Variants in PCDH19 observed in about 807,000 individuals in gnomAD.
PCDH19 encodes protocadherin-19.
Under a neutral mutation model 46.2 loss-of-function variants are expected in PCDH19, and 6 were observed. The observed-to-expected ratio is 0.13, with a 90% CI of 0.07 to 0.26. The LOEUF is 0.26. Ranked by LOEUF, PCDH19 falls within the 10% of genes least tolerant of loss-of-function variation. The pLI is 1.00. For missense variants in PCDH19, 740 were observed against 972.3 expected, an observed-to-expected ratio of 0.76 and a Z score of 3.18; for synonymous variants, 481 against 415.7, an observed-to-expected ratio of 1.16 and a Z score of -1.91.
chrX:100,374,618 C>T (rs184867646), intron 3 of PCDH19, among the ~76,000 whole-genome samples: 1 of 111,942 alleles, frequency 8.9e-6, no homozygotes, highest in Non-Finnish European at 1.9e-5. Flanking sequence ...ATTATGCTTA[C>T]AAGTCTTGGA....
At chrX:100,371,877 CACACA>C (rs750578079) in intron 3 of PCDH19, among the ~76,000 whole-genome samples, 97 of 101,346 alleles carry the variant, frequency 9.6e-4, no homozygotes, top group Middle Eastern at 4.7e-3. Context: ...CACACACACA[CACACA>C]CCCACACAAA....
intron 5 of PCDH19, among the ~76,000 whole-genome samples, chrX:100,316,633 G>A (rs1329045316): frequency 8.9e-6 from 1 of 112,023 alleles, no homozygotes; most frequent in Non-Finnish European, 1.9e-5. Context: ...ACATAATTGT[G>A]GGTGGAGGAA....
intron 5 of PCDH19, among the ~76,000 whole-genome samples, chrX:100,324,732 A>T (rs1457558872): frequency 1.8e-5 from 2 of 111,838 alleles, no homozygotes; most frequent in Admixed American, 1.9e-4. Context: ...AGAGAAAGAG[A>T]CGTAGATAAG....
At chrX:100,322,833 G>GTATATATA (rs60720039) in intron 5 of PCDH19, among the ~76,000 whole-genome samples, 548 of 48,732 alleles carry the variant, frequency 0.011, 19 homozygotes, top group Admixed American at 0.05. Flanking sequence ...ATATTCCTAA[G>GTATATATA]TATATATATA....
Position 100,296,535 on chromosome X carries a change from G to A in PCDH19, c.3189C>T (p.Ser1063=). The A allele has an allele frequency of 1.5e-5, 18 of 1,210,869 alleles. No individual in the cohort carries two copies. Among genetic ancestry groups the A allele is most frequent in the Middle Eastern group, 2.3e-4 (1 of 4,345 alleles). The change falls in exon 6 of 6, where the codon AGC becomes AGT. Residue 1063 remains serine, a synonymous_variant. Transcript: ENST00000373034. ...REAGNGCEAI[S]PVTSPLHLKS... is the part of the protein sequence containing the mutation. ...TGAGGTGGAGGGGGGAGGTGACAGGGCTAATCGCCTCACAGCCATTGCCTG... is the reference window on the plus strand; with the variant it reads ...TGAGGTGGAGGGGGGAGGTGACAGGACTAATCGCCTCACAGCCATTGCCTG...
intron 3 of PCDH19, among the ~76,000 whole-genome samples, chrX:100,384,737 C>A (rs1027267553): frequency 8.9e-6 from 1 of 111,781 alleles, no homozygotes; most frequent in East Asian, 2.8e-4. Flanking sequence ...GTATATACAT[C>A]ATTTTTCATG....
At position 100,409,015 on chromosome X, in the gene PCDH19, A is replaced by G. The variant is rs1928506793; in HGVS notation, c.-418T>C. On this transcript the variant is annotated 5_prime_UTR_variant, in exon 1 of 6. Transcript: ENST00000373034. ...CCGGACAGTACTTGAGGCGAAGGTA[A>G]AGAGGGCGGAGGAGGCGCAGCCTTT... The G allele has an allele frequency of 8.9e-6, 1 of 112,875 alleles. No individual in the cohort carries two copies. Among genetic ancestry groups the G allele is most frequent in the African/African-American group, 3.2e-5 (1 of 31,057 alleles). 9.3% of individuals were successfully genotyped at this position (112,875 alleles called of 1,213,427 possible). A position where few individuals can be genotyped will look rare whatever the true frequency, so the allele number is the denominator to read the frequency against.
In PCDH19 at chrX:100,346,344, G is replaced by C. The variant is rs1321468692; in HGVS notation, c.2676-4269C>G. Reference sequence around the variant, plus strand: ...CCCAGGGAATGATATCTGAGGCTAAGAATGAGCAAGGAGTGAGAATGAAGA... The same window carrying C: ...CCCAGGGAATGATATCTGAGGCTAACAATGAGCAAGGAGTGAGAATGAAGA... On this transcript the variant is annotated intron_variant, in intron 4 of 5. Coordinates refer to ENST00000373034, the MANE Select transcript of PCDH19 (RefSeq NM_001184880.2). Among the ~76,000 whole-genome samples the C allele has an allele frequency of 2.7e-5, 3 of 112,352 alleles. No individual in the cohort carries two copies. The East Asian group carries it at 8.4e-4, about 31-fold the overall frequency.
At position 100,403,632 on chromosome X, in the gene PCDH19, C is replaced by T; in HGVS notation, c.2180G>A (p.Cys727Tyr). The part of the protein sequence containing the change: ...NCLTITCLLG[C>Y]FIKGQNSKCL... ...CTTGCTGTTTTGTCCTTTTATAAAA[C>T]AGCCGAGGAGACAAGTGATGGTTAA... Residue 727 changes from cysteine to tyrosine, a missense_variant, in exon 2 of 6, where the codon TGT becomes TAT. By Grantham distance (194) the Cys-to-Tyr change is radical (BLOSUM62 -2). Around this residue, in one of 5 missense-constraint regions of PCDH19, gnomAD observed 416 missense variants for 476.8 expected, o/e 0.87. Coordinates refer to ENST00000373034, the MANE Select transcript of PCDH19 (RefSeq NM_001184880.2). The T allele has an allele frequency of 8.3e-7, 1 of 1,206,735 alleles. No homozygotes were observed. Among genetic ancestry groups the T allele is most frequent in the Non-Finnish European group, 1.1e-6 (1 of 892,801 alleles).
At chrX:100,358,054 A>G (rs1164922079) in intron 3 of PCDH19, among the ~76,000 whole-genome samples, 1 of 111,882 alleles carries the variant, frequency 8.9e-6, no homozygotes, top group Non-Finnish European at 1.9e-5. Context: ...ATCACTCCCA[A>G]CTACTACCTT....
intron 3 of PCDH19, among the ~76,000 whole-genome samples, chrX:100,388,234 G>C (rs765004277): frequency 1.8e-5 from 2 of 108,827 alleles, no homozygotes; most frequent in South Asian, 7.7e-4. Context: ...ACACATACAC[G>C]CACATATATA....
At chrX:100,403,447 C>T (rs1928254374) in intron 2 of PCDH19, 77 bp downstream of exon 2, 3 of 1,035,668 alleles carry the variant, frequency 2.9e-6, no homozygotes, top group Admixed American at 4.6e-5. Flanking sequence ...TTCCCTTTTA[C>T]TCACCCCCCG....
chrX:100,342,128 A>T, intron 4 of PCDH19, 53 bp from the exon 5 acceptor site: 1 of 1,092,449 alleles, frequency 9.2e-7, no homozygotes, highest in Non-Finnish European at 1.3e-6. Context: ...TGATTTTAAA[A>T]ATCTTTCTGA....
At position 100,295,788 on chromosome X, in the gene PCDH19, G is replaced by A. The variant is rs1288518336; in HGVS notation, c.*489C>T. On this transcript the variant is annotated 3_prime_UTR_variant, in exon 6 of 6. Coordinates refer to ENST00000373034, the MANE Select transcript of PCDH19 (RefSeq NM_001184880.2). ...ACTCGAGCTTCAGAAACAACCTTTT[G>A]GGGGCTCAATTTCACATCACTGAAT... is the stretch of plus-strand genomic sequence containing the variant. 1 of 116,099 alleles carries A rather than the reference G, an allele frequency of 8.6e-6. No individual in the cohort carries two copies. The highest frequency in any genetic ancestry group is 1.8e-5 in the Non-Finnish European group (1 of 55,956). The allele number at this position is 116,099 out of a possible 1,213,427, so 9.6% of individuals were successfully genotyped here.
intron 3 of PCDH19, among the ~76,000 whole-genome samples, chrX:100,395,114 C>T (rs1207165703): frequency 9.0e-6 from 1 of 110,998 alleles, no homozygotes; most frequent in African/African-American, 3.3e-5. Context: ...GTCTCGATCT[C>T]CTGACCTCGT....
Position 100,408,648 on chromosome X carries a change from G to C in PCDH19, c.-51C>G. On this transcript the variant is annotated 5_prime_UTR_variant, in exon 1 of 6. Transcript: ENST00000373034. Reference sequence around the variant, plus strand: ...CGCCTCTCCACACCCCTCCGAGACCGACGCCGTCGGCGCTCCAGCTTCCCG... The same window carrying C: ...CGCCTCTCCACACCCCTCCGAGACCCACGCCGTCGGCGCTCCAGCTTCCCG... 4 of 1,017,586 alleles carry C rather than the reference G, an allele frequency of 3.9e-6. No homozygotes were observed. Among genetic ancestry groups the C allele is most frequent in the Non-Finnish European group, 5.3e-6 (4 of 749,304 alleles). The allele number at this position is 1,017,586 out of a possible 1,213,427, so 83.9% of individuals were successfully genotyped here.
At chrX:100,351,366 C>T (rs1341323355) in intron 3 of PCDH19, among the ~76,000 whole-genome samples, 1 of 112,776 alleles carries the variant, frequency 8.9e-6, no homozygotes, top group Non-Finnish European at 1.9e-5. Flanking sequence ...TAGAGCACCC[C>T]TGTTTAATCT....
chrX:100,352,521 GA>G, intron 3 of PCDH19, among the ~76,000 whole-genome samples: 1 of 112,511 alleles, frequency 8.9e-6, no homozygotes, highest in African/African-American at 3.2e-5. Context: ...ATCTCATGTT[GA>G]ATTATAATCC....
At chrX:100,321,602 T>C (rs1447396244) in intron 5 of PCDH19, among the ~76,000 whole-genome samples, 1 of 110,049 alleles carries the variant, frequency 9.1e-6, no homozygotes, top group Non-Finnish European at 1.9e-5. Context: ...CTTTAGCCCA[T>C]TTTTTGATGG....
Sources: gnomAD v4.1 joint callset for allele counts (sites outside exome capture counted in the v4.1 genomes callset) on GRCh38, gnomAD v4.1.1 for gene constraint, gnomAD v4.1.1 regional missense constraint, MANE v1.5 for transcripts, NCBI Gene and HGNC (gene_info 2026-07-23, HGNC 2026-07-21) for gene names.